Variants in RAD51B observed in about 807,000 individuals in gnomAD.
The protein encoded by RAD51B is RAD51 paralog B.
A neutral mutation model predicts 42.2 loss-of-function variants in RAD51B; 38 were observed. The ratio of observed to expected loss-of-function variants is 0.90; its 90% CI spans 0.70 to 1.18. The LOEUF is 1.18. Among genes scored for constraint, RAD51B ranks in the 50% most tolerant of loss-of-function variants. RAD51B has a pLI of 0.00. For synonymous variants in RAD51B, 154 were observed against 145.2 expected, an observed-to-expected ratio of 1.06 and a Z score of -0.43; for missense variants, 373 against 400.7, an observed-to-expected ratio of 0.93 and a Z score of 0.59.
At chr14:68,082,497 G>T (rs909167501) in intron 7 of RAD51B, among the ~76,000 whole-genome samples, 3 of 151,370 alleles carry the variant, frequency 2.0e-5, no homozygotes, top group Admixed American at 2.0e-4. Context: ...ATGTATTTAT[G>T]TATGTATGTA....
intron 10 of RAD51B, among the ~76,000 whole-genome samples, chr14:68,625,529 G>A (rs1191432544): frequency 2.0e-5 from 3 of 152,266 alleles, no homozygotes; most frequent in Non-Finnish European, 4.4e-5. Context: ...CTGTAGTGCA[G>A]TGGTGCAAAC....
intron 5 of RAD51B, 22 bp from the exon 6 acceptor site, chr14:67,885,847 G>A (rs774310460): frequency 3.8e-6 from 6 of 1,578,186 alleles, no homozygotes; most frequent in South Asian, 2.3e-5. Flanking sequence ...GTTTTCGTTT[G>A]TGCTATTTTT....
chr14:68,492,366 C>T (rs1177347832), intron 10 of RAD51B, among the ~76,000 whole-genome samples: 1 of 152,178 alleles, frequency 6.6e-6, no homozygotes, highest in Admixed American at 6.5e-5. Flanking sequence ...GGAGGGCAGC[C>T]GTCTTTGATT....
At chr14:68,171,445 G>A (rs1031007472) in intron 7 of RAD51B, among the ~76,000 whole-genome samples, 15 of 151,650 alleles carry the variant, frequency 9.9e-5, no homozygotes, top group East Asian at 1.9e-4. Flanking sequence ...GATTACAGGC[G>A]CCCACCACCA....
intron 7 of RAD51B, among the ~76,000 whole-genome samples, chr14:68,283,603 A>G (rs1490393486): frequency 1.3e-5 from 2 of 152,204 alleles, no homozygotes; most frequent in East Asian, 3.8e-4. Flanking sequence ...CACTGACAGG[A>G]TGCCGTCGGG....
intron 3 of RAD51B, among the ~76,000 whole-genome samples, chr14:67,833,258 C>T (rs1329716215): frequency 1.3e-5 from 2 of 152,186 alleles, no homozygotes; most frequent in Non-Finnish European, 1.5e-5. Context: ...CACCTGTAAT[C>T]CCAGTTACTT....
intron 7 of RAD51B, among the ~76,000 whole-genome samples, chr14:68,012,725 A>T (rs181890319): frequency 6.6e-6 from 1 of 152,282 alleles, no homozygotes; most frequent in Admixed American, 6.5e-5. Flanking sequence ...GCATTAAATC[A>T]TAACTTTTTG....
At chr14:68,502,899 G>A (rs1218103638) in intron 10 of RAD51B, among the ~76,000 whole-genome samples, 2 of 152,080 alleles carry the variant, frequency 1.3e-5, no homozygotes, top group African/African-American at 4.8e-5. Flanking sequence ...ATCTGCCAGG[G>A]AACATTCTAG....
intron 7 of RAD51B, among the ~76,000 whole-genome samples, chr14:68,025,467 T>A (rs189175568): frequency 6.8e-6 from 1 of 147,826 alleles, no homozygotes; most frequent in Non-Finnish European, 1.5e-5. Flanking sequence ...TGAATCCATC[T>A]GGTCTAGGCT....
intron 10 of RAD51B, among the ~76,000 whole-genome samples, chr14:68,473,110 T>A (rs1278601806): frequency 1.3e-5 from 2 of 152,236 alleles, no homozygotes; most frequent in Admixed American, 6.5e-5. Flanking sequence ...AAATGTTTTA[T>A]GCTGCTGGAC....
intron 7 of RAD51B, among the ~76,000 whole-genome samples, chr14:68,242,714 A>G (rs2080417430): frequency 6.6e-6 from 1 of 152,228 alleles, no homozygotes; most frequent in South Asian, 2.1e-4. Context: ...CATGCTAAAT[A>G]AGTACTTTTC....
intron 8 of RAD51B, among the ~76,000 whole-genome samples, chr14:68,314,974 C>G (rs1399133827): frequency 6.6e-6 from 1 of 152,304 alleles, no homozygotes; most frequent in East Asian, 1.9e-4. Context: ...GTATCTCAAC[C>G]AAGAAGATCA....
chr14:68,501,791 T>TTTGGCCC (rs1276373485), intron 10 of RAD51B, among the ~76,000 whole-genome samples: 1 of 152,284 alleles, frequency 6.6e-6, no homozygotes, highest in Non-Finnish European at 1.5e-5. Context: ...GGCTTTGGCC[T>TTTGGCCC]TGCCTATGTG....
chr14:68,383,947 A>G (rs2083536663), intron 8 of RAD51B, among the ~76,000 whole-genome samples: 1 of 152,202 alleles, frequency 6.6e-6, no homozygotes, highest in Non-Finnish European at 1.5e-5. Flanking sequence ...CCTATTCTAG[A>G]GAGACAGAGT....
intron 10 of RAD51B, 25 bp from the exon 11 acceptor site, chr14:68,477,619 ACTTT>A: frequency 6.3e-7 from 1 of 1,592,810 alleles, no homozygotes; most frequent in Non-Finnish European, 8.5e-7. Context: ...TTTTTTTCAA[ACTTT>A]CTCTTTTTTT....
chr14:68,560,909 A>G (rs1220877113), intron 10 of RAD51B, among the ~76,000 whole-genome samples: 2 of 152,056 alleles, frequency 1.3e-5, no homozygotes, highest in African/African-American at 4.8e-5. Context: ...CCTCATGCTC[A>G]CTGGGATCAT....
intron 7 of RAD51B, among the ~76,000 whole-genome samples, chr14:68,103,657 G>T (rs953901049): frequency 6.6e-6 from 1 of 152,132 alleles, no homozygotes; most frequent in Non-Finnish European, 1.5e-5. Flanking sequence ...ATTGAGGAAG[G>T]GAAGTCTCTC....
Position 68,047,626 on chromosome 14 carries a change from ACT to A in RAD51B, c.756+160426_756+160427del, listed in dbSNP as rs755997470. On this transcript the variant is annotated intron_variant, in intron 7 of 10. Coordinates refer to ENST00000471583, the MANE Select transcript of RAD51B (RefSeq NM_133510.4). The stretch of plus-strand genomic sequence containing the variant: ...TTGTTTTCATGGACTACAATTTTGT[ACT>A]CTCATTTTGAGTAATTATAATGTGC... Among the ~76,000 whole-genome samples the A allele has an allele frequency of 2.4e-4, 36 of 152,248 alleles. No homozygotes were observed. The East Asian group carries it at 6.2e-3, about 26-fold the overall frequency.
At chr14:68,468,060 C>T in intron 9 of RAD51B, 112 bp from the exon 10 acceptor site, 2 of 882,224 alleles carry the variant, frequency 2.3e-6, no homozygotes, top group South Asian at 1.5e-5. Flanking sequence ...TTAAATAAGC[C>T]TTGTGACTTA....
Sources: gnomAD v4.1 joint callset for allele counts (sites outside exome capture counted in the v4.1 genomes callset) on GRCh38, gnomAD v4.1.1 for gene constraint, MANE v1.5 for transcripts, NCBI Gene and HGNC (gene_info 2026-07-23, HGNC 2026-07-21) for gene names.